Variants in OXGR1 observed in about 807,000 individuals in gnomAD.
OXGR1 encodes the protein 2-oxoglutarate receptor 1.
OXGR1 carries 10 observed loss-of-function variants against 10.0 expected under a neutral mutation model. The ratio of observed to expected loss-of-function variants is 1.00; its 90% confidence interval spans 0.62 to 1.70. The LOEUF (loss-of-function observed/expected upper bound fraction) is 1.70. Among genes scored for constraint, OXGR1 ranks in the 40% most tolerant of loss-of-function variants. OXGR1 has a pLI of 0.00. For missense variants in OXGR1, 398 were observed against 407.6 expected, an observed-to-expected ratio of 0.98 and a Z score of 0.20; for synonymous variants, 191 against 155.9, an observed-to-expected ratio of 1.22 and a Z score of -1.68.
Position 96,992,522 on chromosome 13 carries a change from T to C in OXGR1, c.-227A>G, listed in dbSNP as rs536147130. On this transcript the variant is annotated 5_prime_UTR_variant, in exon 2 of 4. Transcript: ENST00000541038. ...GGGTAACACACCGTTCGTGGACCGC[T>C]GTCCTGATGCCAGCACACCCAGGAA... 1.3e-5 allele frequency: 2 copies of C among 152,330 alleles called. No homozygotes were observed. Among genetic ancestry groups the C allele is most frequent in the South Asian group, 2.1e-4 (1 of 4,822 alleles). 9.4% of individuals were successfully genotyped at this position (152,330 alleles called of 1,614,324 possible). A position where few individuals can be genotyped will look rare whatever the true frequency, so the allele number is the denominator to read the frequency against.
Position 96,986,811 on chromosome 13 carries a change from C to T in OXGR1, c.949G>A (p.Val317Met), listed in dbSNP as rs1343491398. 6.2e-7 allele frequency: 1 copy of T among 1,614,122 alleles called. No individual in the cohort carries two copies. The highest frequency in any genetic ancestry group is 2.2e-5 in the East Asian group (1 of 44,878). Residue 317 changes from valine to methionine, a missense_variant, in exon 4 of 4, where the codon GTG becomes ATG. Coordinates refer to ENST00000541038, the MANE Select transcript of OXGR1 (RefSeq NM_001346194.2). ...AGGTTCCCGCTTACTTTGCATCTCA[C>T]TGTTGAGCAGACAGCCTGCTGAAAG... ...DNFQQAVCST[V>M]RCKVSGNLEQ... is the part of the protein sequence containing the mutation.
In OXGR1 at chr13:96,987,109, G is replaced by A. The variant is rs1881791520; in HGVS notation, c.651C>T (p.Cys217=). The change falls in exon 4 of 4, where the codon TGC becomes TGT. Residue 217 remains cysteine, a synonymous_variant. Transcript: ENST00000541038. ...TCAGAGTGTGGATAATCGTGGTATA[G>A]CAAAGTGTCACTATCACCAAGGGGA... ...FCLPLVIVTL[C]YTTIIHTLTH... is the part of the protein sequence containing the mutation. The A allele has an allele frequency of 6.2e-7, 1 of 1,614,232 alleles. No individual in the cohort carries two copies. Among genetic ancestry groups the A allele is most frequent in the South Asian group, 1.1e-5 (1 of 91,090 alleles).
chr13:96,992,889 G>GT (rs1882128182), intron 1 of OXGR1, among the ~76,000 whole-genome samples: 1 of 152,152 alleles, frequency 6.6e-6, no homozygotes, highest in Admixed American at 6.5e-5. Context: ...ATGGACGAGG[G>GT]AGGTGCACAG....
At chr13:96,994,478 G>C (rs959423690), upstream of OXGR1, 3 of 131,282 alleles carry the variant, frequency 2.3e-5, no homozygotes, top group Admixed American at 8.9e-5. Flanking sequence ...GCAGCATCCC[G>C]CCTCGCCCAC....
intron 2 of OXGR1, among the ~76,000 whole-genome samples, chr13:96,991,497 C>A (rs1321679469): frequency 1.3e-5 from 2 of 152,146 alleles, no homozygotes; most frequent in African/African-American, 4.8e-5. Context: ...CACTTGAAAC[C>A]AATGGGTTCT....
intron 1 of OXGR1, among the ~76,000 whole-genome samples, chr13:96,993,853 A>C (rs966832212): frequency 6.6e-6 from 1 of 152,120 alleles, no homozygotes; most frequent in African/African-American, 2.4e-5. Context: ...TTCCAACACC[A>C]CACAGTCCAC....
At chr13:96,991,169 T>C (rs1882038725) in intron 2 of OXGR1, among the ~76,000 whole-genome samples, 2 of 152,130 alleles carry the variant, frequency 1.3e-5, no homozygotes, top group Admixed American at 1.3e-4. Context: ...TAGCCAATTG[T>C]AAGGGTGGAG....
At chr13:96,993,794 C>G (rs191759470) in intron 1 of OXGR1, among the ~76,000 whole-genome samples, 6 of 141,320 alleles carry the variant, frequency 4.2e-5, no homozygotes, top group African/African-American at 1.6e-4. Context: ...TCAGGGGAAA[C>G]ATTTTCCTCG....
At position 96,992,391 on chromosome 13, in the gene OXGR1, G is replaced by C. The variant is rs368083441; in HGVS notation, c.-127+31C>G. The stretch of plus-strand genomic sequence containing the variant: ...CCTGCTATGTATCCACAAAAATTAA[G>C]AAATAAAAAAATTGTTAAGAAAAAG... On this transcript the variant is annotated intron_variant, in intron 2 of 3. Coordinates refer to ENST00000541038, the MANE Select transcript of OXGR1 (RefSeq NM_001346194.2). 5.3e-5 allele frequency: 8 copies of C among 152,132 alleles called. No homozygotes were observed. In the South Asian group the frequency reaches 8.3e-4, roughly 16 times the overall value. 9.4% of individuals were successfully genotyped at this position (152,132 alleles called of 1,614,324 possible).
At position 96,987,238 on chromosome 13, in the gene OXGR1, T is replaced by C; in HGVS notation, c.522A>G (p.Ser174=). ...AGGCTGATCTGTTGGTCCTGTTGGT[T>C]GATGTGATCAAGAAGGTCATCGGAA... ...AVIPMTFLIT[S]TNRTNRSACL... Residue 174 remains serine (S), a synonymous_variant, in exon 4 of 4, where the codon TCA becomes TCG. Coordinates refer to ENST00000541038, the MANE Select transcript of OXGR1 (RefSeq NM_001346194.2). The C allele has an allele frequency of 1.9e-6, 3 of 1,613,948 alleles. No homozygotes were observed. The highest frequency in any genetic ancestry group is 8.5e-7 in the Non-Finnish European group (1 of 1,179,796).
Position 96,986,106 on chromosome 13 carries a change from T to G in OXGR1, c.*640A>C, listed in dbSNP as rs1881723259. The G allele has an allele frequency of 6.6e-6, 1 of 152,236 alleles. No individual in the cohort carries two copies. Among genetic ancestry groups the G allele is most frequent in the African/African-American group, 2.4e-5 (1 of 41,466 alleles). The allele number at this position is 152,236 out of a possible 1,614,324, so 9.4% of individuals were successfully genotyped here. On this transcript the variant is annotated 3_prime_UTR_variant, in exon 4 of 4. Coordinates refer to ENST00000541038, the MANE Select transcript of OXGR1 (RefSeq NM_001346194.2). Reference sequence around the variant, plus strand: ...CTTTTTAACAACAATAAAGACATAATACTCCAAATATATTGCAGGTACTAA... The same window carrying G: ...CTTTTTAACAACAATAAAGACATAAGACTCCAAATATATTGCAGGTACTAA...
intron 2 of OXGR1, 26 bp downstream of exon 2, chr13:96,992,395 TA>T (rs1017258245): frequency 5.8e-4 from 89 of 152,214 alleles, no homozygotes; most frequent in African/African-American, 1.9e-3. Context: ...AATTAAGAAA[TA>T]AAAAAATTGT....
intron 3 of OXGR1, 145 bp downstream of exon 3, chr13:96,989,613 T>C (rs994459821): frequency 3.3e-5 from 5 of 152,354 alleles, no homozygotes; most frequent in Non-Finnish European, 7.3e-5. Flanking sequence ...GAGGCAGTGA[T>C]GTGCTCAAAG....
rs1418348563 is a variant in OXGR1, at chr13:96,986,705, T to C, written c.*41A>G. The C allele has an allele frequency of 5.8e-6, 9 of 1,549,748 alleles. No homozygotes were observed. The highest frequency in any genetic ancestry group is 3.7e-5 in the Admixed American group (2 of 54,236). The stretch of plus-strand genomic sequence containing the variant: ...GAACATCTTAGGATGCTAGGTAAAG[T>C]ATCAGCAAGTATTTGTTTTTGGTTA... On this transcript the variant is annotated 3_prime_UTR_variant, in exon 4 of 4. Transcript: ENST00000541038.
At chr13:96,987,897 G>A in intron 3 of OXGR1, 64 bp from the exon 4 acceptor site, 2 of 1,179,646 alleles carry the variant, frequency 1.7e-6, no homozygotes, top group Non-Finnish European at 1.1e-6. Context: ...ACTTTTAAAT[G>A]AAAATTATTC....
At position 96,987,309 on chromosome 13, in the gene OXGR1, C is replaced by A; in HGVS notation, c.451G>T (p.Val151Phe). ...ATCCACACCACAGCACAGGCTACAA[C>A]TGCACATCGAGTTTTGTGAATGGAA... ...CFSIHKTRCAVVACAVVWIIS... is the reference protein window; with the variant it reads ...CFSIHKTRCAFVACAVVWIIS... Residue 151 changes from valine (V) to phenylalanine (F), a missense_variant, in exon 4 of 4, where the codon GTT becomes TTT. Physicochemically the swap from Val to Phe is conservative, Grantham distance 50. Transcript: ENST00000541038. 6.2e-7 allele frequency: 1 copy of A among 1,614,224 alleles called. No individual in the cohort carries two copies. The highest frequency in any genetic ancestry group is 8.5e-7 in the Non-Finnish European group (1 of 1,180,048).
intron 3 of OXGR1, among the ~76,000 whole-genome samples, 164 bp downstream of exon 3, chr13:96,989,594 G>A (rs1881949643): frequency 6.6e-6 from 1 of 152,178 alleles, no homozygotes; most frequent in Non-Finnish European, 1.5e-5. Context: ...AGGAAACTGA[G>A]GCACGGAGGA....
intron 3 of OXGR1, among the ~76,000 whole-genome samples, chr13:96,989,134 A>T (rs1280521735): frequency 6.6e-6 from 1 of 152,192 alleles, no homozygotes; most frequent in African/African-American, 2.4e-5. Context: ...ATATTACGTG[A>T]TTGTTAGTTG....
chr13:96,988,631 G>A (rs1881904701), intron 3 of OXGR1, among the ~76,000 whole-genome samples: 1 of 152,238 alleles, frequency 6.6e-6, no homozygotes, highest in African/African-American at 2.4e-5. Flanking sequence ...ATGGTATAAT[G>A]CGGCCATTAG....
Sources: allele counts gnomAD v4.1 joint callset (sites outside exome capture counted in the v4.1 genomes callset), GRCh38; gene constraint gnomAD v4.1.1; transcripts MANE v1.5; gene names NCBI Gene and HGNC (gene_info 2026-07-23, HGNC 2026-07-21).